FADS1: variants seen among roughly 807,000 people sequenced by gnomAD.
FADS1 encodes fatty acid desaturase 1, also known as acyl-CoA (8-3)-desaturase.
Under a neutral mutation model 61.6 loss-of-function variants are expected in FADS1, and 17 were observed. The ratio of observed to expected loss-of-function variants is 0.28; its 90% CI spans 0.19 to 0.41. The LOEUF is 0.41. Among genes scored for constraint, FADS1 ranks in the 10% least tolerant of loss-of-function variants. FADS1 has a pLI of 1.00. For synonymous variants in FADS1, 238 were observed against 258.7 expected, an observed-to-expected ratio of 0.92 and a Z score of 0.77; for missense variants, 387 against 650.9, an observed-to-expected ratio of 0.59 and a Z score of 4.41.
chr11:61,801,691 C>G lies in FADS1; in HGVS notation c.*720G>C, dbSNP rs1487272257. 6.6e-6 allele frequency: 1 copy of G among 152,498 alleles called. No homozygotes were observed. The highest frequency in any genetic ancestry group is 2.4e-5 in the African/African-American group (1 of 41,448). 9.4% of individuals were successfully genotyped at this position (152,498 alleles called of 1,614,324 possible). On this transcript the variant is annotated 3_prime_UTR_variant, in exon 12 of 12. Transcript: ENST00000350997. ...AGGCAGACATAGGTCATACCTATCC[C>G]TGGGCAGCGAGCTGAGCTCCCACAG...
intron 6 of FADS1, chr11:61,805,178 C>T: frequency 4.1e-6 from 1 of 243,676 alleles, no homozygotes; most frequent in Non-Finnish European, 7.8e-6. Context: ...TGGCCACAGC[C>T]CTGTCCCTAC....
At position 61,803,875 on chromosome 11, in the gene FADS1, A is replaced by C; in HGVS notation, c.1054-108T>G. The C allele has an allele frequency of 3.7e-6, 3 of 818,416 alleles. No individual in the cohort carries two copies. The South Asian group carries it at 4.6e-5, about 13-fold the overall frequency. The allele number at this position is 818,416 out of a possible 1,614,324, so 50.7% of individuals were successfully genotyped here. ...GCCATTCTCCTGGTTATCCAGACTC[A>C]CTCATCTTCAGCTTCTCAGGGGTCC... On this transcript the variant is annotated intron_variant, in intron 7 of 11. Transcript: ENST00000350997. The surrounding 1 kb of genome is among the most constrained non-coding windows in gnomAD (Gnocchi z 4.3).
At chr11:61,805,000 G>C in intron 6 of FADS1, 1 of 572,542 alleles carries the variant, frequency 1.7e-6, no homozygotes, top group South Asian at 2.3e-5. Context: ...GAAGGTGAGG[G>C]GTGCGAGTGG....
At chr11:61,804,036 A>C in intron 7 of FADS1, 2 of 505,494 alleles carry the variant, frequency 4.0e-6, no homozygotes, top group Non-Finnish European at 7.1e-6. Flanking sequence ...GCCAATCTAA[A>C]TCCTTCAGCA....
At position 61,801,146 on chromosome 11, in the gene FADS1, A is replaced by T. The variant is rs1008708900; in HGVS notation, c.*1265T>A. The T allele has an allele frequency of 6.6e-6, 1 of 152,384 alleles. No homozygotes were observed. Among genetic ancestry groups the T allele is most frequent in the Non-Finnish European group, 1.5e-5 (1 of 68,042 alleles). The allele number at this position is 152,384 out of a possible 1,614,324, so 9.4% of individuals were successfully genotyped here. ...TCTGCTCCTGCTCAAAAATAATTCT[A>T]TAACATCATTTAGGTTATAGAAAGT... On this transcript the variant is annotated 3_prime_UTR_variant, in exon 12 of 12. Coordinates refer to ENST00000350997, the MANE Select transcript of FADS1 (RefSeq NM_013402.7).
At chr11:61,804,244 A>C (rs1009833039) in intron 7 of FADS1, 1 of 204,694 alleles carries the variant, frequency 4.9e-6, no homozygotes, top group East Asian at 1.3e-4. Context: ...CCTGTCAGAA[A>C]CCCTGCCCAG....
chr11:61,803,732 G>A lies in FADS1; in HGVS notation c.1089C>T (p.Phe363=), dbSNP rs1217656729. 1 of 1,614,024 alleles carries A rather than the reference G, an allele frequency of 6.2e-7. No homozygotes were observed. ...CCAATAGTGGCACATAAGTGAGGAAGAAGCGGACGTAGAAGGTAATCATCC... is the reference window on the plus strand; with the variant it reads ...CCAATAGTGGCACATAAGTGAGGAAAAAGCGGACGTAGAAGGTAATCATCC... ...LAWMITFYVR[F]FLTYVPLLGL... The change falls in exon 8 of 12, where the codon TTC becomes TTT. Residue 363 remains phenylalanine, a synonymous_variant. Transcript: ENST00000350997. This position sits in a 1 kb window ranked among gnomAD's most constrained non-coding sequence, Gnocchi z 4.3.
In FADS1 at chr11:61,810,747, G is replaced by A. The variant is rs371880650; in HGVS notation, c.915+4C>T. On this transcript the variant is annotated splice_donor_region_variant and intron_variant, in intron 5 of 11. Transcript: ENST00000350997. ...AAGACCTTTCCACTGATACCTCCAC[G>A]CACCTCCACAGAGAGGATCTTCCCC... 8 of 1,613,834 alleles carry A rather than the reference G, an allele frequency of 5.0e-6. No individual in the cohort carries two copies. The highest frequency in any genetic ancestry group is 1.1e-5 in the South Asian group (1 of 91,070).
intron 5 of FADS1, 63 bp downstream of exon 5, chr11:61,810,688 C>T (rs1428952632): frequency 2.1e-5 from 34 of 1,595,134 alleles, no homozygotes; most frequent in East Asian, 1.6e-4. Flanking sequence ...GGCATCTTCC[C>T]CAACTCCCCT....
chr11:61,813,033 G>A (rs1032695196), intron 2 of FADS1, among the ~76,000 whole-genome samples: 2 of 152,182 alleles, frequency 1.3e-5, no homozygotes, highest in Admixed American at 1.3e-4. Context: ...CATGGTAGTG[G>A]CAGCCTTGGG....
In FADS1 at chr11:61,816,941, C is replaced by T. The variant is rs1164598875; in HGVS notation, c.-12G>A. ...GCGCGCGTTCCCATTGGCCGAGCCT[C>T]GTGGCGCGGGGAGCGAGATCCCGTC... is the stretch of plus-strand genomic sequence containing the variant. On this transcript the variant is annotated 5_prime_UTR_variant, in exon 1 of 12. Coordinates refer to ENST00000350997, the MANE Select transcript of FADS1 (RefSeq NM_013402.7). The surrounding 1 kb of genome is among the most constrained non-coding windows in gnomAD (Gnocchi z 7.0). 4 of 1,378,344 alleles carry T rather than the reference C, an allele frequency of 2.9e-6. No individual in the cohort carries two copies. Among genetic ancestry groups the T allele is most frequent in the East Asian group, 6.1e-5 (2 of 32,812 alleles). 85.4% of individuals were successfully genotyped at this position (1,378,344 alleles called of 1,614,324 possible). A position where few individuals can be genotyped will look rare whatever the true frequency, so the allele number is the denominator to read the frequency against.
At chr11:61,807,185 C>T (rs1015976763) in intron 5 of FADS1, among the ~76,000 whole-genome samples, 1 of 152,252 alleles carries the variant, frequency 6.6e-6, no homozygotes, top group African/African-American at 2.4e-5. Context: ...TCTCCTGCCT[C>T]AGCCTCCCAA....
chr11:61,805,116 A>G (rs995312069), intron 6 of FADS1: 1 of 407,612 alleles, frequency 2.5e-6, no homozygotes, highest in Non-Finnish European at 4.3e-6. Context: ...CTACATACAC[A>G]CTCCAAGGAT....
rs193250731 is a variant in FADS1, at chr11:61,800,198, T to G, written c.*2213A>C. 0.02 allele frequency: 2,970 copies of G among 148,992 alleles called. 47 individuals are homozygous for G. The highest frequency in any genetic ancestry group is 0.069 in the Middle Eastern group (20 of 290). The allele number at this position is 148,992 out of a possible 1,614,324, so 9.2% of individuals were successfully genotyped here. ...CTCCTCAATTCTAAGTTTTTGTTGT[T>G]TTTTTTTTTTTTGAGACAGGGTCTT... On this transcript the variant is annotated 3_prime_UTR_variant, in exon 12 of 12. Transcript: ENST00000350997.
At chr11:61,807,036 C>T (rs1315044534) in intron 5 of FADS1, among the ~76,000 whole-genome samples, 1 of 152,166 alleles carries the variant, frequency 6.6e-6, no homozygotes, top group Non-Finnish European at 1.5e-5. Flanking sequence ...GGTTTCCAGG[C>T]CCCACTGCCC....
intron 5 of FADS1, among the ~76,000 whole-genome samples, chr11:61,809,972 C>A (rs1187330741): frequency 6.6e-6 from 1 of 152,190 alleles, no homozygotes; most frequent in East Asian, 1.9e-4. Flanking sequence ...GTTTTAACGA[C>A]AATTTAATTC....
chr11:61,816,940 T>G lies in FADS1; in HGVS notation c.-11A>C. The G allele has an allele frequency of 7.3e-7, 1 of 1,378,968 alleles. No individual in the cohort carries two copies. Among genetic ancestry groups the G allele is most frequent in the Non-Finnish European group, 9.3e-7 (1 of 1,075,182 alleles). The allele number at this position is 1,378,968 out of a possible 1,614,324, so 85.4% of individuals were successfully genotyped here. ...AGCGCGCGTTCCCATTGGCCGAGCC[T>G]CGTGGCGCGGGGAGCGAGATCCCGT... On this transcript the variant is annotated 5_prime_UTR_variant, in exon 1 of 12. Transcript: ENST00000350997. The surrounding 1 kb of genome is among the most constrained non-coding windows in gnomAD (Gnocchi z 7.0).
In FADS1 at chr11:61,802,934, G is replaced by A. The variant is rs745804041; in HGVS notation, c.1329-8C>T. 2.5e-6 allele frequency: 4 copies of A among 1,613,196 alleles called. No homozygotes were observed. In the South Asian group the frequency reaches 4.4e-5, roughly 18 times the overall value. Reference sequence around the variant, plus strand: ...GGCATCGTGGGAAAAAGACTTTAGGGAGAACGGGGGAGTCAGTGGTTCCTG... The same window carrying A: ...GGCATCGTGGGAAAAAGACTTTAGGAAGAACGGGGGAGTCAGTGGTTCCTG... On this transcript the variant is annotated splice_region_variant and splice_polypyrimidine_tract_variant and intron_variant, in intron 10 of 11. Coordinates refer to ENST00000350997, the MANE Select transcript of FADS1 (RefSeq NM_013402.7). The surrounding 1 kb of genome is among the most constrained non-coding windows in gnomAD (Gnocchi z 4.2).
At chr11:61,812,323 A>G (rs758808334) in intron 3 of FADS1, 148 bp downstream of exon 3, 20 of 663,264 alleles carry the variant, frequency 3.0e-5, no homozygotes, top group Non-Finnish European at 5.1e-5. Flanking sequence ...TCAAGACAGC[A>G]GAATGCATGT....
Sources: allele counts gnomAD v4.1 joint callset (sites outside exome capture counted in the v4.1 genomes callset), GRCh38; gene constraint gnomAD v4.1.1; non-coding constraint Gnocchi (gnomAD v3.1); transcripts MANE v1.5; gene names NCBI Gene and HGNC (gene_info 2026-07-23, HGNC 2026-07-21).